The following ZFAND3 variants were observed in gnomAD, a reference collection of about 807,000 sequenced individuals.
The protein encoded by ZFAND3 is zinc finger AN1-type containing 3, also known as AN1-type zinc finger protein 3.
A neutral mutation model predicts 29.6 loss-of-function variants in ZFAND3; 10 were observed. The observed-to-expected ratio is 0.34, with a 90% CI of 0.21 to 0.57. The LOEUF (loss-of-function observed/expected upper bound fraction) is 0.57, where lower values mean the gene tolerates loss of function less well. Among genes scored for constraint, ZFAND3 ranks in the 20% least tolerant of loss-of-function variants. The pLI is 0.86. For synonymous variants in ZFAND3, 128 were observed against 112.6 expected, an observed-to-expected ratio of 1.14 and a Z score of -0.87; for missense variants, 230 against 304.5, an observed-to-expected ratio of 0.76 and a Z score of 1.82.
At chr6:38,106,146 A>G (rs1765204390) in intron 4 of ZFAND3, among the ~76,000 whole-genome samples, 2 of 150,700 alleles carry the variant, frequency 1.3e-5, no homozygotes, top group Non-Finnish European at 2.9e-5. Context: ...TTACATACAA[A>G]TGACATTCTT....
At position 37,842,659 on chromosome 6, in the gene ZFAND3, A is replaced by G. The variant is rs928911686; in HGVS notation, c.71+22643A>G. ...ACCCTTACTTGACATCAAGAAAAGG[A>G]CTAGAATAGATTGGAATTTACTTAG... On this transcript the variant is annotated intron_variant, in intron 1 of 5. Coordinates refer to ENST00000287218, the MANE Select transcript of ZFAND3 (RefSeq NM_021943.3). Among the ~76,000 whole-genome samples, 11 of 152,224 alleles carry G rather than the reference A, an allele frequency of 7.2e-5. 1 individual carries two copies. The highest frequency in any genetic ancestry group is 6.5e-5 in the Admixed American group (1 of 15,290).
chr6:38,074,016 A>G (rs1050851240), intron 3 of ZFAND3, among the ~76,000 whole-genome samples: 1 of 152,170 alleles, frequency 6.6e-6, no homozygotes, highest in Non-Finnish European at 1.5e-5. Context: ...GGTTTCTGCA[A>G]GACTAGAAAT....
At chr6:37,930,149 A>G in intron 2 of ZFAND3, 150 bp downstream of exon 2, 2 of 735,306 alleles carry the variant, frequency 2.7e-6, no homozygotes, top group Non-Finnish European at 4.2e-6. Flanking sequence ...GTTTCACCTT[A>G]CCAAGGTGCT....
At chr6:37,921,379 T>G (rs1193917385) in intron 1 of ZFAND3, among the ~76,000 whole-genome samples, 1 of 152,096 alleles carries the variant, frequency 6.6e-6, no homozygotes, top group Non-Finnish European at 1.5e-5. Flanking sequence ...ACTGTTTTTT[T>G]TTATACTTTT....
At chr6:38,059,161 T>C (rs914461268) in intron 2 of ZFAND3, among the ~76,000 whole-genome samples, 2 of 152,078 alleles carry the variant, frequency 1.3e-5, no homozygotes, top group African/African-American at 4.8e-5. Flanking sequence ...AATAAAAAAT[T>C]ACAGAACAAG....
chr6:38,032,350 T>C (rs1178843823), intron 2 of ZFAND3, among the ~76,000 whole-genome samples: 2 of 152,220 alleles, frequency 1.3e-5, no homozygotes, highest in East Asian at 3.8e-4. Flanking sequence ...ATGTCAGTTG[T>C]TTGAAAGTTT....
chr6:37,995,304 G>T (rs1018283526), intron 2 of ZFAND3, among the ~76,000 whole-genome samples: 3 of 152,104 alleles, frequency 2.0e-5, no homozygotes, highest in Non-Finnish European at 2.9e-5. Context: ...AATTGTAGGG[G>T]CAAGCATTTT....
chr6:38,146,629 A>C (rs955254574), intron 5 of ZFAND3, among the ~76,000 whole-genome samples: 9 of 152,208 alleles, frequency 5.9e-5, no homozygotes, highest in Non-Finnish European at 8.8e-5. Context: ...TCTAAGGAGC[A>C]GGGTAGCCAG....
chr6:38,061,632 G>A lies in ZFAND3; in HGVS notation c.152G>A (p.Ser51Asn), dbSNP rs771199688. ...KKQPDDDSAP[S>N]TSNSQSDLFS... ...CAGCCAGACGATGATTCCGCTCCAA[G>A]TACAAGTAACAGCCAATCAGATTTG... Residue 51 changes from serine (S) to asparagine (N), a missense_variant, in exon 3 of 6, where the codon AGT (serine) becomes AAT (asparagine). By Grantham distance (46) the Ser-to-Asn change is conservative. Transcript: ENST00000287218. 1 of 1,614,166 alleles carries A rather than the reference G, an allele frequency of 6.2e-7. No individual in the cohort carries two copies. The highest frequency in any genetic ancestry group is 8.5e-7 in the Non-Finnish European group (1 of 1,180,026).
intron 2 of ZFAND3, among the ~76,000 whole-genome samples, chr6:38,035,269 T>C (rs1465890219): frequency 1.3e-5 from 2 of 152,200 alleles, no homozygotes; most frequent in African/African-American, 2.4e-5. Context: ...TCTTCTATTA[T>C]GTTTCTTTAC....
chr6:37,962,706 G>C (rs1762219008), intron 2 of ZFAND3, among the ~76,000 whole-genome samples: 1 of 152,172 alleles, frequency 6.6e-6, no homozygotes, highest in African/African-American at 2.4e-5. Flanking sequence ...CAATCAGCAG[G>C]ATGTGGGCGG....
intron 2 of ZFAND3, among the ~76,000 whole-genome samples, chr6:38,011,876 T>C (rs1392178660): frequency 6.6e-6 from 1 of 152,218 alleles, no homozygotes; most frequent in African/African-American, 2.4e-5. Flanking sequence ...GGAAAATGGT[T>C]TTAACCTGTT....
At chr6:38,120,449 C>G (rs1765512087) in intron 5 of ZFAND3, among the ~76,000 whole-genome samples, 1 of 150,276 alleles carries the variant, frequency 6.7e-6, no homozygotes. Context: ...CCTCAGCCTC[C>G]CTAGTAGCTG....
At chr6:37,877,754 A>G (rs35806631) in intron 1 of ZFAND3, among the ~76,000 whole-genome samples, 58,684 of 152,022 alleles carry the variant, frequency 0.39, 12,109 homozygotes, top group Non-Finnish European at 0.47. Flanking sequence ...ACAAAGTACT[A>G]TGTATTAATA....
intron 2 of ZFAND3, among the ~76,000 whole-genome samples, chr6:37,964,064 C>T (rs1018988228): frequency 3.3e-5 from 5 of 152,020 alleles, no homozygotes; most frequent in African/African-American, 9.7e-5. Context: ...CTGTTTCATT[C>T]TTTTTTCCCC....
intron 4 of ZFAND3, among the ~76,000 whole-genome samples, chr6:38,109,049 C>T (rs959896279): frequency 1.3e-5 from 2 of 151,762 alleles, no homozygotes; most frequent in African/African-American, 4.8e-5. Flanking sequence ...TCTCAACACT[C>T]GTATTCAGCA....
At chr6:38,074,614 C>G (rs1334261577) in intron 3 of ZFAND3, among the ~76,000 whole-genome samples, 1 of 152,220 alleles carries the variant, frequency 6.6e-6, no homozygotes, top group African/African-American at 2.4e-5. Context: ...GCAGCAGTTG[C>G]TGATGTAGAA....
At chr6:38,055,157 A>G (rs915695857) in intron 2 of ZFAND3, among the ~76,000 whole-genome samples, 6 of 152,206 alleles carry the variant, frequency 3.9e-5, no homozygotes, top group African/African-American at 1.4e-4. Context: ...TTTTAAGTGG[A>G]TTGAGAAACA....
intron 2 of ZFAND3, among the ~76,000 whole-genome samples, chr6:38,060,837 A>G (rs1033237957): frequency 1.3e-5 from 2 of 152,272 alleles, no homozygotes; most frequent in Middle Eastern, 3.4e-3. Flanking sequence ...ACTCCCCTGC[A>G]TATACCAAAA....
Sources: allele counts gnomAD v4.1 joint callset (sites outside exome capture counted in the v4.1 genomes callset), GRCh38; gene constraint gnomAD v4.1.1; transcripts MANE v1.5; gene names NCBI Gene and HGNC (gene_info 2026-07-23, HGNC 2026-07-21).